The following RANBP17 variants were observed in gnomAD, a reference collection of about 807,000 sequenced individuals.
The protein encoded by RANBP17 is ran-binding protein 17.
RANBP17 carries 158 observed loss-of-function variants against 141.2 expected under a neutral mutation model. The ratio of observed to expected loss-of-function variants is 1.12; its 90% confidence interval spans 0.98 to 1.28. The LOEUF (loss-of-function observed/expected upper bound fraction) is 1.28, where lower values mean the gene tolerates loss of function less well. RANBP17 is among the 50% of genes most tolerant of loss of function. RANBP17 has a pLI of 0.00. For synonymous variants in RANBP17, 430 were observed against 450.0 expected, an observed-to-expected ratio of 0.96 and a Z score of 0.56; for missense variants, 1,438 against 1,290.7, an observed-to-expected ratio of 1.11 and a Z score of -1.75.
chr5:171,167,290 T>C (rs1035020286), intron 14 of RANBP17, among the ~76,000 whole-genome samples: 1 of 152,174 alleles, frequency 6.6e-6, no homozygotes, highest in African/African-American at 2.4e-5. Flanking sequence ...TTGAAATGTT[T>C]AAAATCACAT....
In RANBP17 at chr5:170,925,388, G is replaced by GT. The variant is rs574483117; in HGVS notation, c.1468+846dup. Among the ~76,000 whole-genome samples, 5 of 151,982 alleles carry GT rather than the reference G, an allele frequency of 3.3e-5. No individual in the cohort carries two copies. In the East Asian group the frequency reaches 7.7e-4, roughly 23 times the overall value. On this transcript the variant is annotated intron_variant, in intron 12 of 27. Coordinates refer to ENST00000523189, the MANE Select transcript of RANBP17 (RefSeq NM_022897.5). ...GTGAGATAATCTTCTCTACTTCAGTGTTTTTTTTCTTTTATGGGATCTTAT... is the reference window on the plus strand; with the variant it reads ...GTGAGATAATCTTCTCTACTTCAGTGTTTTTTTTTCTTTTATGGGATCTTAT...
chr5:170,964,958 C>T (rs912385319), intron 13 of RANBP17, among the ~76,000 whole-genome samples: 2 of 152,036 alleles, frequency 1.3e-5, no homozygotes, highest in Non-Finnish European at 2.9e-5. Context: ...TTCTAGATCC[C>T]TGAGGAATCG....
chr5:171,104,451 G>A (rs1237201202), intron 14 of RANBP17, among the ~76,000 whole-genome samples: 1 of 152,192 alleles, frequency 6.6e-6, no homozygotes. Context: ...TTTTCATGTA[G>A]AGGGTGAAAT....
chr5:171,149,103 A>G (rs1005174093), intron 14 of RANBP17, among the ~76,000 whole-genome samples: 5 of 152,208 alleles, frequency 3.3e-5, no homozygotes, highest in Admixed American at 6.5e-5. Flanking sequence ...AACTTTACCT[A>G]CTGTCTTCAC....
chr5:170,882,186 A>G (rs566219748), intron 3 of RANBP17, among the ~76,000 whole-genome samples: 113 of 152,214 alleles, frequency 7.4e-4, no homozygotes, highest in Non-Finnish European at 1.3e-3. Flanking sequence ...TGGCGTAGCA[A>G]TTCTCCTGCC....
chr5:170,909,470 C>G (rs768150775), intron 5 of RANBP17, among the ~76,000 whole-genome samples, 191 bp from the exon 6 acceptor site: 7 of 150,800 alleles, frequency 4.6e-5, no homozygotes, highest in Non-Finnish European at 1.0e-4. Flanking sequence ...TATACTGCCT[C>G]TGAAAGTGTG....
intron 14 of RANBP17, among the ~76,000 whole-genome samples, chr5:170,998,869 A>G (rs957256705): frequency 3.3e-5 from 5 of 152,102 alleles, no homozygotes; most frequent in Non-Finnish European, 7.4e-5. Flanking sequence ...GTTGTTTTCT[A>G]GATACAGAAA....
In RANBP17 at chr5:171,243,816, G is replaced by T. The variant is rs955416554; in HGVS notation, c.2776+996G>T. On this transcript the variant is annotated intron_variant, in intron 24 of 27. Coordinates refer to ENST00000523189, the MANE Select transcript of RANBP17 (RefSeq NM_022897.5). ...GGGGCTGGGCGCGGTGGCTCAGCCT[G>T]TAATCCCAGCACTTTGGGAGGCTGA... Among the ~76,000 whole-genome samples, 5 of 152,050 alleles carry T rather than the reference G, an allele frequency of 3.3e-5. No homozygotes were observed. The East Asian group carries it at 7.7e-4, about 23-fold the overall frequency.
chr5:171,219,929 C>T (rs1481085264), intron 21 of RANBP17, among the ~76,000 whole-genome samples: 1 of 151,952 alleles, frequency 6.6e-6, no homozygotes, highest in East Asian at 1.9e-4. Flanking sequence ...CAGTTTTGTG[C>T]CCTTGCTGGA....
chr5:171,137,876 C>A (rs1757421716), intron 14 of RANBP17, among the ~76,000 whole-genome samples: 1 of 151,228 alleles, frequency 6.6e-6, no homozygotes, highest in African/African-American at 2.4e-5. Context: ...CTATATGTCA[C>A]CCCAAATACT....
chr5:170,979,720 A>G (rs1023277012), intron 14 of RANBP17, among the ~76,000 whole-genome samples: 3 of 152,324 alleles, frequency 2.0e-5, no homozygotes, highest in East Asian at 3.9e-4. Flanking sequence ...GGCCTCCCCA[A>G]CCATATGGAA....
chr5:171,170,744 T>A (rs1385625611), intron 15 of RANBP17, among the ~76,000 whole-genome samples: 1 of 152,118 alleles, frequency 6.6e-6, no homozygotes, highest in Non-Finnish European at 1.5e-5. Flanking sequence ...CACCCCGCTT[T>A]ATCTGTGTAA....
chr5:171,119,449 C>A (rs1755866976), intron 14 of RANBP17, among the ~76,000 whole-genome samples: 1 of 152,108 alleles, frequency 6.6e-6, no homozygotes, highest in Non-Finnish European at 1.5e-5. Context: ...GGTATTCATT[C>A]TTCCTTAAAG....
chr5:171,145,581 ACT>A, intron 14 of RANBP17, among the ~76,000 whole-genome samples: 1 of 152,190 alleles, frequency 6.6e-6, no homozygotes, highest in East Asian at 1.9e-4. Flanking sequence ...ATGTTTTGAT[ACT>A]AGCAAAAATA....
chr5:171,119,658 A>G (rs1755880002), intron 14 of RANBP17, among the ~76,000 whole-genome samples: 1 of 152,100 alleles, frequency 6.6e-6, no homozygotes, highest in African/African-American at 2.4e-5. Flanking sequence ...ATGTTGAGGT[A>G]TGTTCTCCTT....
intron 14 of RANBP17, among the ~76,000 whole-genome samples, chr5:171,020,313 G>A (rs929557411): frequency 2.0e-5 from 3 of 152,172 alleles, no homozygotes; most frequent in African/African-American, 7.2e-5. Context: ...TTCAAGTCCT[G>A]AATATCCCTG....
At chr5:171,147,767 G>A (rs1046552899) in intron 14 of RANBP17, among the ~76,000 whole-genome samples, 1 of 152,110 alleles carries the variant, frequency 6.6e-6, no homozygotes, top group African/African-American at 2.4e-5. Flanking sequence ...ATCTCAGGTG[G>A]GGGGGTCAGC....
intron 19 of RANBP17, among the ~76,000 whole-genome samples, chr5:171,201,403 G>A (rs1274891635): frequency 2.6e-5 from 4 of 152,340 alleles, no homozygotes; most frequent in Non-Finnish European, 5.9e-5. Flanking sequence ...AATGATAGTG[G>A]CAGAATTAAG....
chr5:170,977,831 G>A (rs1012160383), intron 14 of RANBP17, among the ~76,000 whole-genome samples: 1 of 152,040 alleles, frequency 6.6e-6, no homozygotes, highest in Non-Finnish European at 1.5e-5. Flanking sequence ...TGGGTGCCTA[G>A]GGCTGGGGTT....
Sources: gnomAD v4.1 joint callset for allele counts (sites outside exome capture counted in the v4.1 genomes callset) on GRCh38, gnomAD v4.1.1 for gene constraint, MANE v1.5 for transcripts, NCBI Gene and HGNC (gene_info 2026-07-23, HGNC 2026-07-21) for gene names.